TIAM1: variants seen among roughly 807,000 people sequenced by gnomAD.
TIAM1 encodes the protein rho guanine nucleotide exchange factor TIAM1.
In TIAM1, 65 loss-of-function variants were observed where a neutral mutation model predicts 163.5. That is an observed-to-expected ratio of 0.40 (90% confidence interval 0.33 to 0.49). The LOEUF is 0.49. TIAM1 is among the 20% of genes least tolerant of loss of function. The pLI is 0.77. For missense variants in TIAM1, 1,789 were observed against 2,044.7 expected, an observed-to-expected ratio of 0.87 and a Z score of 2.41; for synonymous variants, 833 against 810.1, an observed-to-expected ratio of 1.03 and a Z score of -0.48.
intron 15 of TIAM1, among the ~76,000 whole-genome samples, chr21:31,171,031 A>G (rs898110938): frequency 2.4e-5 from 3 of 125,544 alleles, no homozygotes; most frequent in South Asian, 2.7e-4. Context: ...GTGAGACTCC[A>G]TCTCAAAAAA....
At chr21:31,218,517 T>C (rs946451738) in intron 8 of TIAM1, among the ~76,000 whole-genome samples, 2 of 150,746 alleles carry the variant, frequency 1.3e-5, no homozygotes, top group Admixed American at 6.6e-5. Context: ...TGCAGTGAGC[T>C]GAGAACACGC....
rs1335463786 is a variant in TIAM1 at position 31,410,221 on chromosome 21, CA to C, written c.-369+53761del. ...GTGATTGTGAGTGTGTGTGAGACTGCATTATGTGATTGTGAGCATGTGTGTG... is the reference window on the plus strand; with the variant it reads ...GTGATTGTGAGTGTGTGTGAGACTGCTTATGTGATTGTGAGCATGTGTGTG... On this transcript the variant is annotated intron_variant, in intron 2 of 28. Transcript: ENST00000286827. Among the ~76,000 whole-genome samples, 4 of 151,324 alleles carry C rather than the reference CA, an allele frequency of 2.6e-5. No homozygotes were observed. In the East Asian group the frequency reaches 7.8e-4, roughly 29 times the overall value.
intron 2 of TIAM1, among the ~76,000 whole-genome samples, chr21:31,439,589 C>G (rs2044347160): frequency 6.6e-6 from 1 of 152,232 alleles, no homozygotes; most frequent in African/African-American, 2.4e-5. Flanking sequence ...CACACCCATA[C>G]AGTATTGTAT....
chr21:31,503,123 G>A (rs192189061), intron 1 of TIAM1, among the ~76,000 whole-genome samples: 150 of 152,132 alleles, frequency 9.9e-4, no homozygotes, highest in African/African-American at 2.6e-3. Flanking sequence ...GGCTGGGTGC[G>A]GTGGTTCACG....
intron 1 of TIAM1, among the ~76,000 whole-genome samples, chr21:31,527,862 C>T (rs918454927): frequency 6.6e-5 from 10 of 152,126 alleles, no homozygotes; most frequent in Non-Finnish European, 1.5e-4. Flanking sequence ...CCTGATCAAG[C>T]CCATCACTAC....
At chr21:31,533,634 G>T (rs2048036867) in intron 1 of TIAM1, among the ~76,000 whole-genome samples, 1 of 152,180 alleles carries the variant, frequency 6.6e-6, no homozygotes, top group South Asian at 2.1e-4. Flanking sequence ...CAGGGAGGCT[G>T]AGGTGGCAGG....
intron 2 of TIAM1, among the ~76,000 whole-genome samples, chr21:31,280,142 T>A (rs1420381520): frequency 6.6e-6 from 1 of 152,218 alleles, no homozygotes. Flanking sequence ...ACCAAGTTTT[T>A]CAGTCTCACT....
At chr21:31,261,628 G>A (rs534405400) in intron 4 of TIAM1, among the ~76,000 whole-genome samples, 5 of 152,132 alleles carry the variant, frequency 3.3e-5, no homozygotes, top group South Asian at 2.1e-4. Flanking sequence ...CATGAGAATC[G>A]CTTGAACCTG....
chr21:31,309,321 G>A (rs1569199264), intron 2 of TIAM1, among the ~76,000 whole-genome samples: 3 of 152,182 alleles, frequency 2.0e-5, no homozygotes, highest in South Asian at 2.1e-4. Flanking sequence ...AGCCGGGCAC[G>A]GTGGCATGCA....
chr21:31,519,508 CAAA>C (rs538283897), intron 1 of TIAM1, among the ~76,000 whole-genome samples: 5 of 82,716 alleles, frequency 6.0e-5, no homozygotes, highest in Admixed American at 1.5e-4. Context: ...GATTCTGTCT[CAAA>C]AAAAAAAAAA....
At chr21:31,156,969 T>C (rs192323572) in intron 16 of TIAM1, among the ~76,000 whole-genome samples, 15 of 152,244 alleles carry the variant, frequency 9.9e-5, no homozygotes, top group African/African-American at 2.9e-4. Context: ...CTACTGCTCA[T>C]AGCAAATATA....
intron 1 of TIAM1, among the ~76,000 whole-genome samples, chr21:31,472,251 G>A (rs1204673872): frequency 2.6e-5 from 4 of 152,094 alleles, no homozygotes; most frequent in Admixed American, 2.6e-4. Flanking sequence ...TCTGGGCCAG[G>A]CTCAATGTCT....
intron 4 of TIAM1, among the ~76,000 whole-genome samples, chr21:31,262,577 C>A (rs1174999423): frequency 6.6e-6 from 1 of 152,198 alleles, no homozygotes; most frequent in Non-Finnish European, 1.5e-5. Context: ...TGCCAGCAGA[C>A]CCTGTAGCAC....
At chr21:31,542,359 G>T (rs917386839) in intron 1 of TIAM1, among the ~76,000 whole-genome samples, 2 of 151,994 alleles carry the variant, frequency 1.3e-5, no homozygotes, top group Non-Finnish European at 2.9e-5. Context: ...CCCAGGAGGA[G>T]GAGCTTACAG....
chr21:31,414,865 G>A (rs557209760), intron 2 of TIAM1, among the ~76,000 whole-genome samples: 238 of 152,294 alleles, frequency 1.6e-3, no homozygotes, highest in African/African-American at 5.3e-3. Context: ...AGGCATGGGC[G>A]GACACACACC....
chr21:31,139,178 A>C (rs2082736602), intron 22 of TIAM1, among the ~76,000 whole-genome samples: 2 of 152,108 alleles, frequency 1.3e-5, no homozygotes, highest in South Asian at 4.1e-4. Flanking sequence ...TTTTTTCCTA[A>C]ATTCTTTGCA....
intron 2 of TIAM1, among the ~76,000 whole-genome samples, chr21:31,359,805 A>AAAGGAAGG (rs767750965): frequency 0.064 from 5,790 of 90,612 alleles, 276 homozygotes; most frequent in Admixed American, 0.12. Flanking sequence ...AAAGAAAGAA[A>AAAGGAAGG]AAGGAAGGAA....
At chr21:31,389,311 G>A (rs1256062581) in intron 2 of TIAM1, among the ~76,000 whole-genome samples, 1 of 152,098 alleles carries the variant, frequency 6.6e-6, no homozygotes, top group Non-Finnish European at 1.5e-5. Flanking sequence ...CGCCTCCCGG[G>A]TCCAAGCAAT....
intron 2 of TIAM1, among the ~76,000 whole-genome samples, chr21:31,386,352 G>A (rs559334823): frequency 2.2e-4 from 33 of 152,216 alleles, no homozygotes; most frequent in African/African-American, 7.7e-4. Context: ...TTGGTTCTGG[G>A]GGTCCCCTGG....
Sources: allele counts gnomAD v4.1 joint callset (sites outside exome capture counted in the v4.1 genomes callset), GRCh38; gene constraint gnomAD v4.1.1; transcripts MANE v1.5; gene names NCBI Gene and HGNC (gene_info 2026-07-23, HGNC 2026-07-21).